GCGR: variants seen among roughly 807,000 people sequenced by gnomAD.
GCGR encodes the protein glucagon receptor.
A neutral mutation model predicts 56.1 loss-of-function variants in GCGR; 41 were observed. The observed-to-expected ratio is 0.73, with a 90% CI of 0.57 to 0.95. The LOEUF (loss-of-function observed/expected upper bound fraction) is 0.95, where lower values mean the gene tolerates loss of function less well. GCGR is among the 40% of genes least tolerant of loss of function. The pLI, the probability that GCGR is intolerant of heterozygous loss-of-function variation, is 0.00. For synonymous variants in GCGR, 278 were observed against 271.1 expected, an observed-to-expected ratio of 1.03 and a Z score of -0.25; for missense variants, 595 against 638.2, an observed-to-expected ratio of 0.93 and a Z score of 0.73.
rs1420375163 is a variant in GCGR, at chr17:81,810,974, G to C, written c.272-36G>C. 4 of 1,535,168 alleles carry C rather than the reference G, an allele frequency of 2.6e-6. No homozygotes were observed. The highest frequency in any genetic ancestry group is 1.7e-4 in the Middle Eastern group (1 of 5,984). On this transcript the variant is annotated intron_variant, in intron 4 of 13. Transcript: ENST00000400723. This position sits in a 1 kb window ranked among gnomAD's most constrained non-coding sequence, Gnocchi z 4.6. ...GGAACTGTGGGGGGGGCGGGCCCAG[G>C]GTGGGGCTGACCCCAGCCTCCCCCC... is the stretch of plus-strand genomic sequence containing the variant.
At position 81,809,874 on chromosome 17, in the gene GCGR, C is replaced by T. The variant is rs2038059029; in HGVS notation, c.153C>T (p.Pro51=). 5 of 1,536,084 alleles carry T rather than the reference C, an allele frequency of 3.3e-6. No homozygotes were observed. Among genetic ancestry groups the T allele is most frequent in the Non-Finnish European group, 4.4e-6 (5 of 1,146,418 alleles). ...DQCHHNLSLL[P]PPTELVCNRT... The stretch of plus-strand genomic sequence containing the variant: ...GTCACCACAACCTGAGCCTGCTGCC[C>T]CCTCCCACGGGTGAGCCCCCCACCC... The change falls in exon 3 of 14, where the codon CCC becomes CCT. Residue 51 remains proline (P), a synonymous_variant. Transcript: ENST00000400723.
rs534177883 is a variant in GCGR, at chr17:81,812,760, C to G, written c.1038-47C>G. 4.6e-6 allele frequency: 7 copies of G among 1,511,192 alleles called. No individual in the cohort carries two copies. The highest frequency in any genetic ancestry group is 6.2e-6 in the Non-Finnish European group (7 of 1,127,194). 93.6% of individuals were successfully genotyped at this position (1,511,192 alleles called of 1,614,324 possible). A position where few individuals can be genotyped will look rare whatever the true frequency, so the allele number is the denominator to read the frequency against. The stretch of plus-strand genomic sequence containing the variant: ...GACTCCAAGCTCCACGTGGATGGTG[C>G]GGGCCGAGGGTGGGGGCGGTGGGTG... On this transcript the variant is annotated intron_variant, in intron 11 of 13. Coordinates refer to ENST00000400723, the MANE Select transcript of GCGR (RefSeq NM_000160.5). The surrounding 1 kb of genome is among the most constrained non-coding windows in gnomAD (Gnocchi z 8.5).
Position 81,812,435 on chromosome 17 carries a change from G to A in GCGR, c.949-142G>A. On this transcript the variant is annotated intron_variant, in intron 10 of 13. Transcript: ENST00000400723. The surrounding 1 kb of genome is among the most constrained non-coding windows in gnomAD (Gnocchi z 8.5). ...CCAGGCTGTTCCTCCCTGGCTGTGT[G>A]CCCACCAGCCCCAGGGCTATGTGGC... is the stretch of plus-strand genomic sequence containing the variant. 2 of 1,044,496 alleles carry A rather than the reference G, an allele frequency of 1.9e-6. No individual in the cohort carries two copies. The highest frequency in any genetic ancestry group is 2.8e-6 in the Non-Finnish European group (2 of 724,054). 64.7% of individuals were successfully genotyped at this position (1,044,496 alleles called of 1,614,324 possible).
chr17:81,813,511 G>T lies in GCGR; in HGVS notation c.1256G>T (p.Arg419Leu), dbSNP rs769673542. 6.5e-6 allele frequency: 10 copies of T among 1,535,672 alleles called. No individual in the cohort carries two copies. The highest frequency in any genetic ancestry group is 1.2e-5 in the South Asian group (1 of 84,056). ...CTGCGGCGGCGTTGGCACCGCTGGC[G>T]CCTGGGCAAAGTGCTATGGGAGGAG... ...SELRRRWHRW[R>L]LGKVLWEERN... The change falls in exon 14 of 14, where the codon CGC becomes CTC. Residue 419 changes from arginine to leucine, a missense_variant. Arg to Leu is a moderately radical substitution (Grantham distance 102). Coordinates refer to ENST00000400723, the MANE Select transcript of GCGR (RefSeq NM_000160.5). The surrounding 1 kb of genome is among the most constrained non-coding windows in gnomAD (Gnocchi z 5.3).
chr17:81,809,684 T>A, intron 2 of GCGR, 98 bp from the exon 3 acceptor site: 2 of 878,158 alleles, frequency 2.3e-6, no homozygotes, highest in East Asian at 5.3e-5. Context: ...TCCATCTGCC[T>A]ATCCATCTAC....
chr17:81,805,586 C>A (rs1327521941), intron 1 of GCGR, among the ~76,000 whole-genome samples: 1 of 146,062 alleles, frequency 6.8e-6, no homozygotes, highest in Admixed American at 6.8e-5. Context: ...TTGGGCACCT[C>A]GGGAACCCCC....
At position 81,813,737 on chromosome 17, in the gene GCGR, G is replaced by T; in HGVS notation, c.*48G>T. 6.6e-7 allele frequency: 1 copy of T among 1,510,262 alleles called. No individual in the cohort carries two copies. 93.6% of individuals were successfully genotyped at this position (1,510,262 alleles called of 1,614,324 possible). A position where few individuals can be genotyped will look rare whatever the true frequency, so the allele number is the denominator to read the frequency against. On this transcript the variant is annotated 3_prime_UTR_variant, in exon 14 of 14. Coordinates refer to ENST00000400723, the MANE Select transcript of GCGR (RefSeq NM_000160.5). This position sits in a 1 kb window ranked among gnomAD's most constrained non-coding sequence, Gnocchi z 5.3. ...GGCTGGACTCTGGCACCCAGAGGGC[G>T]TCGCTGGACAACCCAGAACTGGACG... is the stretch of plus-strand genomic sequence containing the variant.
rs1192231899 is a variant in GCGR, at chr17:81,809,238, GTCTGTCCA to G, written c.60+173_60+180del. 8.1e-5 allele frequency among the ~76,000 whole-genome samples: 12 copies of G among 148,302 alleles called. 1 individual carries two copies. The South Asian group carries it at 1.5e-3, about 18-fold the overall frequency. On this transcript the variant is annotated intron_variant, in intron 2 of 13. Coordinates refer to ENST00000400723, the MANE Select transcript of GCGR (RefSeq NM_000160.5). ...TGCCTGTCTGTCTGCCTGTCCGTCT[GTCTGTCCA>G]TCTGTCCATCTGCCTATCCATCTGC...
At position 81,810,771 on chromosome 17, in the gene GCGR, C is replaced by A; in HGVS notation, c.164-54C>A. 1 of 1,467,630 alleles carries A rather than the reference C, an allele frequency of 6.8e-7. No homozygotes were observed. The highest frequency in any genetic ancestry group is 1.4e-5 in the African/African-American group (1 of 71,594). The allele number at this position is 1,467,630 out of a possible 1,614,324, so 90.9% of individuals were successfully genotyped here. A position where few individuals can be genotyped will look rare whatever the true frequency, so the allele number is the denominator to read the frequency against. ...GAGGAGAGAGGCCTGCTGAGGGAGC[C>A]CCTTCTCCCACCCTGCCCTGCCCTG... On this transcript the variant is annotated intron_variant, in intron 3 of 13. Transcript: ENST00000400723. The surrounding 1 kb of genome is among the most constrained non-coding windows in gnomAD (Gnocchi z 4.6).
Position 81,811,455 on chromosome 17 carries a change from C to A in GCGR, c.552C>A (p.Phe184Leu). Residue 184 changes from phenylalanine (F) to leucine (L), a missense_variant, in exon 7 of 14, where the codon TTC becomes TTA. Coordinates refer to ENST00000400723, the MANE Select transcript of GCGR (RefSeq NM_000160.5). This position sits in a 1 kb window ranked among gnomAD's most constrained non-coding sequence, Gnocchi z 5.8. ...NAIHANLFAS[F>L]VLKASSVLVI... ...TCCACGCGAATCTGTTTGCGTCCTT[C>A]GTGCTGAAAGCCAGCTCCGTGCTGG... 1 of 1,536,644 alleles carries A rather than the reference C, an allele frequency of 6.5e-7. No individual in the cohort carries two copies. Among genetic ancestry groups the A allele is most frequent in the Non-Finnish European group, 8.7e-7 (1 of 1,146,864 alleles).
Position 81,812,787 on chromosome 17 carries a change from C to T in GCGR, c.1038-20C>T, listed in dbSNP as rs771281732. On this transcript the variant is annotated intron_variant, in intron 11 of 13. Transcript: ENST00000400723. The surrounding 1 kb of genome is among the most constrained non-coding windows in gnomAD (Gnocchi z 8.5). Reference sequence around the variant, plus strand: ...GGCCGAGGGTGGGGGCGGTGGGTGACTCAGGCGCTGCCTCTGCAGGCTGGC... The same window carrying T: ...GGCCGAGGGTGGGGGCGGTGGGTGATTCAGGCGCTGCCTCTGCAGGCTGGC... 7.8e-6 allele frequency: 12 copies of T among 1,535,458 alleles called. No homozygotes were observed. The South Asian group carries it at 1.3e-4, about 17-fold the overall frequency.
In GCGR at chr17:81,810,640, G is replaced by C. The variant is rs2038072814; in HGVS notation, c.164-185G>C. The stretch of plus-strand genomic sequence containing the variant: ...TGGTCCAGGGGAGGTGGATGGTCAG[G>C]TGAGGAAGGTGGAGGTCAGATGGGG... On this transcript the variant is annotated intron_variant, in intron 3 of 13. Transcript: ENST00000400723. The surrounding 1 kb of genome is among the most constrained non-coding windows in gnomAD (Gnocchi z 4.6). Among the ~76,000 whole-genome samples, 1 of 152,006 alleles carries C rather than the reference G, an allele frequency of 6.6e-6. No individual in the cohort carries two copies. Among genetic ancestry groups the C allele is most frequent in the Non-Finnish European group, 1.5e-5 (1 of 67,958 alleles).
rs2037912869 is a variant in GCGR at position 81,804,690 on chromosome 17, CG to C, written c.-178+442del. ...GTCTCCCCTCGGTGGGCTCCTGCCC[CG>C]AGGACTGCCCGGTGGCACCGGCGCG... On this transcript the variant is annotated intron_variant, in intron 1 of 13. Coordinates refer to ENST00000400723, the MANE Select transcript of GCGR (RefSeq NM_000160.5). This position sits in a 1 kb window ranked among gnomAD's most constrained non-coding sequence, Gnocchi z 8.2. Among the ~76,000 whole-genome samples, 1 of 152,080 alleles carries C rather than the reference CG, an allele frequency of 6.6e-6. No homozygotes were observed. Among genetic ancestry groups the C allele is most frequent in the African/African-American group, 2.4e-5 (1 of 41,436 alleles).
In GCGR at chr17:81,812,444, C is replaced by G. The variant is rs544339161; in HGVS notation, c.949-133C>G. 4.7e-4 allele frequency: 495 copies of G among 1,057,888 alleles called. 1 individual carries two copies. The African/African-American group carries it at 7.4e-3, about 16-fold the overall frequency. The allele number at this position is 1,057,888 out of a possible 1,614,324, so 65.5% of individuals were successfully genotyped here. On this transcript the variant is annotated intron_variant, in intron 10 of 13. Coordinates refer to ENST00000400723, the MANE Select transcript of GCGR (RefSeq NM_000160.5). The surrounding 1 kb of genome is among the most constrained non-coding windows in gnomAD (Gnocchi z 8.5). ...TCCTCCCTGGCTGTGTGCCCACCAGCCCCAGGGCTATGTGGCCCAGGGCCT... is the reference window on the plus strand; with the variant it reads ...TCCTCCCTGGCTGTGTGCCCACCAGGCCCAGGGCTATGTGGCCCAGGGCCT...
At position 81,811,224 on chromosome 17, in the gene GCGR, G is replaced by C. The variant is rs536878804; in HGVS notation, c.396G>C (p.Lys132Asn). 1.3e-6 allele frequency: 2 copies of C among 1,536,346 alleles called. No individual in the cohort carries two copies. Among genetic ancestry groups the C allele is most frequent in the Non-Finnish European group, 1.7e-6 (2 of 1,146,818 alleles). The change falls in exon 6 of 14, where the codon AAG (lysine) becomes AAC (asparagine). Residue 132 changes from lysine (K) to asparagine (N), a missense_variant and splice_region_variant. Physicochemically the swap from Lys to Asn is moderately conservative, Grantham distance 94. Transcript: ENST00000400723. The surrounding 1 kb of genome is among the most constrained non-coding windows in gnomAD (Gnocchi z 5.8). ...QMDGEEIEVQ[K>N]EVAKMYSSFQ... ...TCACAGGCCACTGTAACTCGCAGAA[G>C]GAGGTGGCCAAGATGTACAGCAGCT...
chr17:81,808,740 C>T lies in GCGR; in HGVS notation c.-177-102C>T, dbSNP rs1176597762. On this transcript the variant is annotated intron_variant, in intron 1 of 13. Coordinates refer to ENST00000400723, the MANE Select transcript of GCGR (RefSeq NM_000160.5). ...TTCACTGTGTTAGCCAGGATGGTCTCGATCTCCAGACCTCGTGATCCACCC... is the reference window on the plus strand; with the variant it reads ...TTCACTGTGTTAGCCAGGATGGTCTTGATCTCCAGACCTCGTGATCCACCC... The T allele has an allele frequency of 4.9e-5, 26 of 525,988 alleles. 1 individual carries two copies. Among genetic ancestry groups the T allele is most frequent in the Admixed American group, 1.4e-4 (4 of 29,582 alleles). 32.6% of individuals were successfully genotyped at this position (525,988 alleles called of 1,614,324 possible).
chr17:81,811,045 G>A lies in GCGR; in HGVS notation c.307G>A (p.Asp103Asn), dbSNP rs779580966. 243 of 1,536,206 alleles carry A rather than the reference G, an allele frequency of 1.6e-4. No homozygotes were observed. Among genetic ancestry groups the A allele is most frequent in the African/African-American group, 2.3e-4 (17 of 73,156 alleles). The change falls in exon 5 of 14, where the codon GAC becomes AAC. Residue 103 changes from aspartate to asparagine, a missense_variant. By Grantham distance (23) the Asp-to-Asn change is conservative. Coordinates refer to ENST00000400723, the MANE Select transcript of GCGR (RefSeq NM_000160.5). The surrounding 1 kb of genome is among the most constrained non-coding windows in gnomAD (Gnocchi z 5.8). ...HRFVFKRCGP[D>N]GQWVRGPRGQ... ...CTTCGTGTTCAAGAGATGCGGGCCC[G>A]ACGGTCAGTGGGTGCGTGGACCCCG... is the stretch of plus-strand genomic sequence containing the variant.
chr17:81,812,089 C>T lies in GCGR; in HGVS notation c.879-94C>T, dbSNP rs1598239033. The T allele has an allele frequency of 1.3e-6, 2 of 1,512,950 alleles. No homozygotes were observed. Among genetic ancestry groups the T allele is most frequent in the Non-Finnish European group, 1.8e-6 (2 of 1,126,784 alleles). 93.7% of individuals were successfully genotyped at this position (1,512,950 alleles called of 1,614,324 possible). A position where few individuals can be genotyped will look rare whatever the true frequency, so the allele number is the denominator to read the frequency against. ...GACCTTCTCCCTTCCTTTTCTGAGA[C>T]CCGAATTAGATCCTGGCAAAATCGG... On this transcript the variant is annotated intron_variant, in intron 9 of 13. Transcript: ENST00000400723. This position sits in a 1 kb window ranked among gnomAD's most constrained non-coding sequence, Gnocchi z 8.5.
At position 81,813,027 on chromosome 17, in the gene GCGR, G is replaced by T; in HGVS notation, c.1188G>T (p.Val396=). 6.5e-7 allele frequency: 1 copy of T among 1,536,458 alleles called. No individual in the cohort carries two copies. Among genetic ancestry groups the T allele is most frequent in the Non-Finnish European group, 8.7e-7 (1 of 1,146,842 alleles). Residue 396 remains valine (V), a synonymous_variant, in exon 13 of 14, where the codon GTG becomes GTT. Coordinates refer to ENST00000400723, the MANE Select transcript of GCGR (RefSeq NM_000160.5). This position sits in a 1 kb window ranked among gnomAD's most constrained non-coding sequence, Gnocchi z 5.3. ...LFLSSFQGLL[V]AVLYCFLNKE... ...CCCTGTCTCTCCAGGGCCTGCTGGT[G>T]GCTGTCCTCTACTGCTTCCTCAACA...
Sources: allele counts gnomAD v4.1 joint callset (sites outside exome capture counted in the v4.1 genomes callset), GRCh38; gene constraint gnomAD v4.1.1; non-coding constraint Gnocchi (gnomAD v3.1); transcripts MANE v1.5; gene names NCBI Gene and HGNC (gene_info 2026-07-23, HGNC 2026-07-21).